The following NCOA1 variants were observed in gnomAD, a reference collection of about 807,000 sequenced individuals.
The protein encoded by NCOA1 is nuclear receptor coactivator 1, also known as Hin-2 protein.
Under a neutral mutation model 150.9 loss-of-function variants are expected in NCOA1, and 35 were observed. The ratio of observed to expected loss-of-function variants is 0.23; its 90% CI spans 0.18 to 0.31. The LOEUF (loss-of-function observed/expected upper bound fraction) is 0.31, where lower values mean the gene tolerates loss of function less well. NCOA1 is among the 10% of genes least tolerant of loss of function. The probability of loss-of-function intolerance (pLI) is 1.00; values close to 1 mark genes in which losing one functional copy is unlikely to be tolerated. For synonymous variants in NCOA1, 590 were observed against 630.0 expected (o/e 0.94, Z 0.95); for missense variants, 1,491 against 1,749.3 (o/e 0.85, Z 2.63).
At chr2:24,671,754 T>A (rs1671694367) in intron 6 of NCOA1, among the ~76,000 whole-genome samples, 1 of 152,044 alleles carries the variant, frequency 6.6e-6, no homozygotes, top group Non-Finnish European at 1.5e-5. Context: ...AGAGATAGGA[T>A]TTCACCATGT....
In NCOA1 at chr2:24,706,816, T is replaced by C. The variant is rs766052574; in HGVS notation, c.1346T>C (p.Ile449Thr). 6.2e-7 allele frequency: 1 copy of C among 1,614,192 alleles called. No homozygotes were observed. Among genetic ancestry groups the C allele is most frequent in the South Asian group, 1.1e-5 (1 of 91,076 alleles). The change falls in exon 13 of 23, where the codon ATT (isoleucine) becomes ACT (threonine). Residue 449 changes from isoleucine (I) to threonine (T), a missense_variant. Transcript: ENST00000348332. Reference protein sequence around the residue: ...GSFGCSPGSQIVANVALNQGQ... With the variant: ...GSFGCSPGSQTVANVALNQGQ... ...TTCGGATGCTCACCCGGAAGTCAGATTGTAGCCAATGTTGCCTTAAACCAA... is the reference window on the plus strand; with the variant it reads ...TTCGGATGCTCACCCGGAAGTCAGACTGTAGCCAATGTTGCCTTAAACCAA...
intron 3 of NCOA1, among the ~76,000 whole-genome samples, chr2:24,638,747 G>A (rs1670052686): frequency 1.3e-5 from 2 of 152,144 alleles, no homozygotes. Context: ...GATGATTAAT[G>A]ATGTTGAGCA....
intron 14 of NCOA1, among the ~76,000 whole-genome samples, chr2:24,721,328 C>G (rs1466695397): frequency 6.6e-6 from 1 of 152,150 alleles, no homozygotes; most frequent in Non-Finnish European, 1.5e-5. Context: ...TTCAACATTA[C>G]TTTCTTCATT....
At chr2:24,652,138 T>C (rs1188879233) in intron 4 of NCOA1, among the ~76,000 whole-genome samples, 1 of 152,044 alleles carries the variant, frequency 6.6e-6, no homozygotes, top group Non-Finnish European at 1.5e-5. Flanking sequence ...TAAATATCCA[T>C]CCACTGGTGA....
At chr2:24,655,241 C>T (rs1670880356) in intron 4 of NCOA1, among the ~76,000 whole-genome samples, 1 of 151,970 alleles carries the variant, frequency 6.6e-6, no homozygotes, top group South Asian at 2.1e-4. Context: ...TAGTATTTAC[C>T]TTTTTGTCTA....
chr2:24,621,569 C>T (rs563364497), intron 3 of NCOA1, among the ~76,000 whole-genome samples: 234 of 150,530 alleles, frequency 1.6e-3, no homozygotes, highest in Non-Finnish European at 2.3e-3. Context: ...TGGGTTCCCT[C>T]CTGGGTTCAA....
At chr2:24,661,803 A>C (rs1671196776) in intron 5 of NCOA1, among the ~76,000 whole-genome samples, 1 of 152,124 alleles carries the variant, frequency 6.6e-6, no homozygotes, top group Admixed American at 6.5e-5. Flanking sequence ...ATGTGATGAA[A>C]CAAGACGTTC....
At chr2:24,699,177 G>A (rs1201944730) in intron 11 of NCOA1, among the ~76,000 whole-genome samples, 2 of 152,210 alleles carry the variant, frequency 1.3e-5, no homozygotes, top group Admixed American at 6.5e-5. Flanking sequence ...GGGACTCAGA[G>A]CACTGTTTCG....
Position 24,769,338 on chromosome 2 carries a change from ACT to A in NCOA1, c.*950_*951del, listed in dbSNP as rs1314551507. The A allele has an allele frequency of 5.3e-6, 1 of 187,456 alleles. No individual in the cohort carries two copies. 11.6% of individuals were successfully genotyped at this position (187,456 alleles called of 1,614,324 possible). ...CTGTTTAATTTTATGCTTTTATTAT[ACT>A]CTTGATTTTTCTAAATTTGTGTGTG... On this transcript the variant is annotated 3_prime_UTR_variant, in exon 23 of 23. Transcript: ENST00000348332.
intron 1 of NCOA1, among the ~76,000 whole-genome samples, chr2:24,501,724 T>C (rs1269034746): frequency 6.6e-6 from 1 of 152,138 alleles, no homozygotes; most frequent in Admixed American, 6.5e-5. Context: ...TAGATAGGCT[T>C]TAGGGGATCT....
At chr2:24,582,055 G>A (rs1259639363) in intron 2 of NCOA1, among the ~76,000 whole-genome samples, 2 of 152,138 alleles carry the variant, frequency 1.3e-5, no homozygotes. Context: ...ATAAGGCAAG[G>A]ATGCCCACTT....
rs139397237 is a variant in NCOA1, at chr2:24,627,698, C to T, written c.-174-16268C>T. Among the ~76,000 whole-genome samples the T allele has an allele frequency of 7.0e-3, 1,061 of 152,244 alleles. 12 individuals carry two copies. Among genetic ancestry groups the T allele is most frequent in the African/African-American group, 0.024 (1,001 of 41,524 alleles). ...GCCATAATGTTTTGGAGATTTAGAACAACTTGGTTTTGATGGTCCTCAGTA... is the reference window on the plus strand; with the variant it reads ...GCCATAATGTTTTGGAGATTTAGAATAACTTGGTTTTGATGGTCCTCAGTA... On this transcript the variant is annotated intron_variant, in intron 3 of 22. Transcript: ENST00000348332.
chr2:24,767,607 CAG>C (rs547973697), intron 22 of NCOA1, among the ~76,000 whole-genome samples: 32 of 152,260 alleles, frequency 2.1e-4, no homozygotes, highest in South Asian at 8.3e-4. Context: ...GATTGTCTAT[CAG>C]GGGAAAAAAG....
intron 21 of NCOA1, among the ~76,000 whole-genome samples, chr2:24,760,306 A>ATTTTTTTTTT (rs70947842): frequency 2.2e-3 from 217 of 99,734 alleles, no homozygotes; most frequent in East Asian, 5.5e-3. Flanking sequence ...TGCCCGGCTA[A>ATTTTTTTTTT]TTTTTTTTTT....
intron 1 of NCOA1, among the ~76,000 whole-genome samples, chr2:24,532,257 T>C (rs1424415908): frequency 1.3e-5 from 2 of 152,232 alleles, no homozygotes; most frequent in Non-Finnish European, 2.9e-5. Context: ...ATGTCTTCTT[T>C]TGAGAAGTGT....
Position 24,691,623 on chromosome 2 carries a change from T to C in NCOA1, c.675T>C (p.Thr225=). The C allele has an allele frequency of 6.2e-7, 1 of 1,614,096 alleles. No individual in the cohort carries two copies. The highest frequency in any genetic ancestry group is 8.5e-7 in the Non-Finnish European group (1 of 1,179,958). The change falls in exon 9 of 23, where the codon ACT becomes ACC. Residue 225 remains threonine (T), a synonymous_variant. Coordinates refer to ENST00000348332, the MANE Select transcript of NCOA1 (RefSeq NM_003743.5). ...GTTATGAAGTAATGCAGTGTTTCAC[T>C]GTGTCACAGCCAAAATCAATTCAAG... The part of the protein sequence containing the change: ...CQRYEVMQCF[T]VSQPKSIQED...
intron 3 of NCOA1, among the ~76,000 whole-genome samples, chr2:24,586,013 G>T (rs1029440310): frequency 6.6e-6 from 1 of 152,082 alleles, no homozygotes; most frequent in Non-Finnish European, 1.5e-5. Context: ...GGTGGCTCAC[G>T]CCTGTAATCC....
chr2:24,640,630 T>C, intron 3 of NCOA1, among the ~76,000 whole-genome samples: 1 of 152,114 alleles, frequency 6.6e-6, no homozygotes, highest in Non-Finnish European at 1.5e-5. Flanking sequence ...CAAGACCCCA[T>C]CTCTAAAACA....
At chr2:24,666,440 A>C (rs1671431936) in intron 6 of NCOA1, among the ~76,000 whole-genome samples, 1 of 152,200 alleles carries the variant, frequency 6.6e-6, no homozygotes, top group South Asian at 2.1e-4. Context: ...TGTCTTATTA[A>C]GTTAACTCAA....
Sources: allele counts gnomAD v4.1 joint callset (sites outside exome capture counted in the v4.1 genomes callset), GRCh38; gene constraint gnomAD v4.1.1; transcripts MANE v1.5; gene names NCBI Gene and HGNC (gene_info 2026-07-23, HGNC 2026-07-21).